The following RBFOX1 variants were observed in gnomAD, a reference collection of about 807,000 sequenced individuals.
RBFOX1 encodes the protein RNA binding protein fox-1 homolog 1.
In RBFOX1, 8 loss-of-function variants were observed where a neutral mutation model predicts 57.7. That is an observed-to-expected ratio of 0.14 (90% CI 0.08 to 0.25). The LOEUF (loss-of-function observed/expected upper bound fraction) is 0.25, where lower values mean the gene tolerates loss of function less well. RBFOX1 is among the 10% of genes least tolerant of loss of function. RBFOX1 has a pLI of 1.00. For synonymous variants in RBFOX1, 326 were observed against 222.4 expected, an observed-to-expected ratio of 1.47 and a Z score of -4.15; for missense variants, 611 against 548.5, an observed-to-expected ratio of 1.11 and a Z score of -1.14.
At chr16:6,244,765 C>A (rs1438649176) in intron 1 of RBFOX1, among the ~76,000 whole-genome samples, 1 of 152,190 alleles carries the variant, frequency 6.6e-6, no homozygotes, top group East Asian at 1.9e-4. Context: ...TCCTTGACCT[C>A]CCAAAGTGCT....
chr16:7,248,153 T>C (rs1317330143), intron 4 of RBFOX1, among the ~76,000 whole-genome samples: 1 of 152,252 alleles, frequency 6.6e-6, no homozygotes, highest in East Asian at 1.9e-4. Context: ...GCTCTCAGTT[T>C]TGAGCCTTGG....
chr16:7,589,923 G>GTGTGTGTGTGTT (rs1219821240), intron 7 of RBFOX1, among the ~76,000 whole-genome samples: 1 of 138,448 alleles, frequency 7.2e-6, no homozygotes, highest in Non-Finnish European at 1.6e-5. Flanking sequence ...GTGTGTGTGT[G>GTGTGTGTGTGTT]TGTGTGTGTG....
At chr16:7,652,083 C>A (rs2065184144) in intron 11 of RBFOX1, among the ~76,000 whole-genome samples, 1 of 151,350 alleles carries the variant, frequency 6.6e-6, no homozygotes, top group Non-Finnish European at 1.5e-5. Context: ...ACCGGGGTAA[C>A]CATCAGGCAT....
At chr16:6,416,961 T>C (rs1013306546) in intron 2 of RBFOX1, among the ~76,000 whole-genome samples, 3 of 152,192 alleles carry the variant, frequency 2.0e-5, no homozygotes, top group Admixed American at 1.3e-4. Context: ...TTTATGGTGA[T>C]CACTTATGGG....
At chr16:5,613,045 A>T (rs1169415655) in intron 3 of RBFOX1, among the ~76,000 whole-genome samples, 1 of 152,174 alleles carries the variant, frequency 6.6e-6, no homozygotes, top group African/African-American at 2.4e-5. Context: ...TGAGAATGGG[A>T]CTAAGGCTAG....
intron 13 of RBFOX1, among the ~76,000 whole-genome samples, chr16:7,665,684 G>C (rs546580631): frequency 7.9e-5 from 12 of 152,218 alleles, no homozygotes; most frequent in Admixed American, 7.9e-4. Context: ...GAGCATTGAC[G>C]ATATGAAAAT....
intron 2 of RBFOX1, among the ~76,000 whole-genome samples, chr16:6,418,979 C>T (rs1202579845): frequency 6.6e-6 from 1 of 152,192 alleles, no homozygotes; most frequent in Admixed American, 6.5e-5. Flanking sequence ...TATGTATGGG[C>T]TTGGAAACTT....
chr16:5,368,589 G>C (rs1221585233), intron 1 of RBFOX1, among the ~76,000 whole-genome samples: 1 of 152,136 alleles, frequency 6.6e-6, no homozygotes, highest in Non-Finnish European at 1.5e-5. Context: ...GATTTAACAA[G>C]CTGCACTACA....
chr16:6,016,783 C>T (rs2094996441), upstream of RBFOX1, among the ~76,000 whole-genome samples: 1 of 152,216 alleles, frequency 6.6e-6, no homozygotes. Context: ...TCTCATTTAT[C>T]TTCCAGTGGC....
chr16:5,391,893 A>C (rs898499171), intron 1 of RBFOX1, among the ~76,000 whole-genome samples: 6 of 148,576 alleles, frequency 4.0e-5, no homozygotes, highest in Non-Finnish European at 6.0e-5. Flanking sequence ...GTGTGTATAC[A>C]CACACACACA....
At chr16:7,513,362 A>T (rs1315396754) in intron 4 of RBFOX1, among the ~76,000 whole-genome samples, 1 of 152,164 alleles carries the variant, frequency 6.6e-6, no homozygotes, top group Non-Finnish European at 1.5e-5. Context: ...CCTTGGTTTA[A>T]CTCTTGGCTT....
intron 3 of RBFOX1, among the ~76,000 whole-genome samples, chr16:5,665,130 A>AT (rs2049792007): frequency 2.7e-5 from 2 of 74,988 alleles, no homozygotes; most frequent in Non-Finnish European, 4.7e-5. Context: ...ATATTTTTAC[A>AT]TGGGGGGGGG....
At chr16:6,702,627 G>C (rs1219391663) in intron 3 of RBFOX1, among the ~76,000 whole-genome samples, 3 of 152,040 alleles carry the variant, frequency 2.0e-5, no homozygotes, top group Admixed American at 2.0e-4. Context: ...AAGACTAAAT[G>C]AGGTCATACT....
intron 4 of RBFOX1, among the ~76,000 whole-genome samples, chr16:7,159,631 G>C (rs1212960320): frequency 6.6e-6 from 1 of 152,190 alleles, no homozygotes; most frequent in South Asian, 2.1e-4. Flanking sequence ...CGCTTATCGT[G>C]TGTGTTTGTG....
intron 2 of RBFOX1, among the ~76,000 whole-genome samples, chr16:6,506,074 G>A (rs547084497): frequency 3.3e-5 from 5 of 152,302 alleles, no homozygotes; most frequent in Non-Finnish European, 1.5e-5. Context: ...TAGCAAAGGT[G>A]CACCCTTGCA....
At chr16:5,239,977 G>A in exon 1 of RBFOX1, 1 of 1,514,824 alleles carries the variant, frequency 6.6e-7, no homozygotes, top group Non-Finnish European at 8.8e-7. Context: ...CGTCCCTCCC[G>A]AAGAGAAGAG....
chr16:7,103,405 C>T (rs554285281), intron 4 of RBFOX1, among the ~76,000 whole-genome samples: 2 of 152,130 alleles, frequency 1.3e-5, no homozygotes, highest in Non-Finnish European at 2.9e-5. Flanking sequence ...CCCATTTCTA[C>T]ACAGAACCTA....
At chr16:7,514,716 A>G (rs2075971662) in intron 4 of RBFOX1, among the ~76,000 whole-genome samples, 1 of 152,116 alleles carries the variant, frequency 6.6e-6, no homozygotes, top group East Asian at 1.9e-4. Flanking sequence ...TGGGGTTGAG[A>G]GGATGGAGCT....
chr16:6,354,350 C>G (rs1358266660), intron 2 of RBFOX1, among the ~76,000 whole-genome samples: 1 of 152,170 alleles, frequency 6.6e-6, no homozygotes, highest in Non-Finnish European at 1.5e-5. Flanking sequence ...GCAGGACCCG[C>G]CTGCTCTCCA....
Sources: allele counts gnomAD v4.1 joint callset (sites outside exome capture counted in the v4.1 genomes callset), GRCh38; gene constraint gnomAD v4.1.1; transcripts MANE v1.5; gene names NCBI Gene and HGNC (gene_info 2026-07-23, HGNC 2026-07-21).